Variants in TMEM114 observed in about 807,000 individuals in gnomAD.
TMEM114 encodes the protein claudin-26.
TMEM114 carries 6 observed loss-of-function variants against 6.2 expected under a neutral mutation model. That is an observed-to-expected ratio of 0.97 (90% CI 0.53 to 1.91). The LOEUF is 1.91. Among genes scored for constraint, TMEM114 ranks in the 40% most tolerant of loss-of-function variants. TMEM114 has a pLI of 0.01. For missense variants in TMEM114, 218 were observed against 158.3 expected, an observed-to-expected ratio of 1.38 and a Z score of -2.02; for synonymous variants, 104 against 73.0, an observed-to-expected ratio of 1.42 and a Z score of -2.16.
intron 2 of TMEM114, among the ~76,000 whole-genome samples, chr16:8,552,825 C>G (rs921816691): frequency 6.6e-6 from 1 of 152,142 alleles, no homozygotes; most frequent in Non-Finnish European, 1.5e-5. Context: ...GCACAAACCC[C>G]TCCCCTCCCC....
In TMEM114 at chr16:8,563,184, A is replaced by C. The variant is rs550999060; in HGVS notation, n.213-25358T>G. ...GAGTGAGTGAGTAAATGAGTGAGTG[A>C]ATGAGTGAATGAATGAGTGAATGAG... On this transcript the variant is annotated intron_variant and non_coding_transcript_variant, in intron 2 of 2. Transcript: ENST00000623677. Among the ~76,000 whole-genome samples the C allele has an allele frequency of 1.2e-3, 182 of 148,218 alleles. 5 individuals are homozygous for C. Among genetic ancestry groups the C allele is most frequent in the African/African-American group, 4.4e-3 (176 of 39,976 alleles).
chr16:8,558,474 C>T (rs1901088993), intron 2 of TMEM114, among the ~76,000 whole-genome samples: 1 of 152,166 alleles, frequency 6.6e-6, no homozygotes, highest in African/African-American at 2.4e-5. Flanking sequence ...AGACACCAGT[C>T]ATTGGTTTTA....
At chr16:8,539,587 C>G (rs1000795498) in intron 2 of TMEM114, among the ~76,000 whole-genome samples, 1 of 152,168 alleles carries the variant, frequency 6.6e-6, no homozygotes, top group Non-Finnish European at 1.5e-5. Context: ...AAGCTTCACT[C>G]TTCCAGATCC....
downstream of TMEM114, among the ~76,000 whole-genome samples, chr16:8,534,103 T>C (rs1164475671): frequency 6.6e-6 from 1 of 152,184 alleles, no homozygotes; most frequent in African/African-American, 2.4e-5. Context: ...GAGCAAGTCA[T>C]TCATCAGAAA....
chr16:8,569,311 AG>A (rs1713155250), downstream of TMEM114, among the ~76,000 whole-genome samples: 1 of 152,156 alleles, frequency 6.6e-6, no homozygotes, highest in Non-Finnish European at 1.5e-5. Context: ...GTCATGCCAG[AG>A]TTATTTTAGA....
At chr16:8,554,835 C>A (rs555008180) in intron 2 of TMEM114, among the ~76,000 whole-genome samples, 1 of 152,194 alleles carries the variant, frequency 6.6e-6, no homozygotes, top group Non-Finnish European at 1.5e-5. Context: ...GATGTTAGTG[C>A]TGTCTTAAGG....
intron 3 of TMEM114, among the ~76,000 whole-genome samples, chr16:8,571,187 G>A (rs911735772): frequency 9.0e-4 from 136 of 150,988 alleles, no homozygotes; most frequent in Non-Finnish European, 1.3e-3. Flanking sequence ...AGCCAGCCAC[G>A]TGCCAGGTCC....
intron 2 of TMEM114, among the ~76,000 whole-genome samples, chr16:8,553,169 T>G (rs1204863816): frequency 1.3e-5 from 2 of 152,194 alleles, no homozygotes; most frequent in Non-Finnish European, 2.9e-5. Context: ...ATTCCTCTGG[T>G]CTGAGAAACA....
intron 2 of TMEM114, among the ~76,000 whole-genome samples, chr16:8,574,601 C>CTTTCTTTCTTTCTTTA (rs1349268944): frequency 3.3e-5 from 5 of 150,032 alleles, no homozygotes; most frequent in Non-Finnish European, 7.4e-5. Flanking sequence ...TTCTTTCTTT[C>CTTTCTTTCTTTCTTTA]TTTCTTTTTC....
chr16:8,569,952 A>G lies in TMEM114; in HGVS notation c.493T>C (p.Phe165Leu), dbSNP rs932795690. Reference protein sequence around the residue: ...SVYIAYSAAAFREALCLLEEK... With the variant: ...SVYIAYSAAALREALCLLEEK... ...TCCAAGAGACACAGCGCCTCCCGGA[A>G]GGCGGCGGCTGAATACGCTATGTAG... Residue 165 changes from phenylalanine (F) to leucine (L), a missense_variant, in exon 4 of 4, where the codon TTC becomes CTC. Coordinates refer to ENST00000620492, the MANE Select transcript of TMEM114 (RefSeq NM_001146336.2). The G allele has an allele frequency of 8.5e-5, 132 of 1,550,922 alleles. No individual in the cohort carries two copies. Among genetic ancestry groups the G allele is most frequent in the Non-Finnish European group, 9.9e-5 (113 of 1,146,966 alleles).
intron 2 of TMEM114, among the ~76,000 whole-genome samples, chr16:8,588,247 A>G (rs1902375658): frequency 6.6e-6 from 1 of 150,390 alleles, no homozygotes; most frequent in Non-Finnish European, 1.5e-5. Flanking sequence ...AGATTATGCC[A>G]CTGTACTCCA....
At chr16:8,582,184 G>T (rs556612260) in intron 2 of TMEM114, among the ~76,000 whole-genome samples, 94 of 152,304 alleles carry the variant, frequency 6.2e-4, no homozygotes, top group African/African-American at 2.1e-3. Flanking sequence ...TCCACCGCGG[G>T]CATGCTGTGT....
At chr16:8,531,939 A>T in the TMEM114 span, 4 of 152,228 alleles carry the variant, frequency 2.6e-5, no homozygotes, top group African/African-American at 9.6e-5. Context: ...CCTCATGTAG[A>T]TGAGAAGTAA....
chr16:8,581,691 T>A (rs966497787), intron 2 of TMEM114, among the ~76,000 whole-genome samples: 35 of 152,266 alleles, frequency 2.3e-4, no homozygotes, highest in African/African-American at 8.4e-4. Context: ...TGACCTCAAG[T>A]GATCCGCCCA....
chr16:8,572,100 G>A lies in TMEM114; in HGVS notation c.426C>T (p.Leu142=). ...GTGGGCACCTACCTCCAAAGAGGAAGAGAATTCCAGTGAGCAGGAGGAGGA... is the reference window on the plus strand; with the variant it reads ...GTGGGCACCTACCTCCAAAGAGGAAAAGAATTCCAGTGAGCAGGAGGAGGA... ...AYLLLLLTGI[L]FLFGAMVTLA... Residue 142 remains leucine, a synonymous_variant, in exon 3 of 4, where the codon CTC becomes CTT. Transcript: ENST00000620492. 6.5e-7 allele frequency: 1 copy of A among 1,549,434 alleles called. No homozygotes were observed. The highest frequency in any genetic ancestry group is 8.7e-7 in the Non-Finnish European group (1 of 1,145,838).
chr16:8,556,090 T>C (rs76714027), intron 2 of TMEM114, among the ~76,000 whole-genome samples: 12,232 of 152,270 alleles, frequency 0.08, 578 homozygotes, highest in Middle Eastern at 0.18. Context: ...TCATATTTCA[T>C]CTGAGAACCC....
Position 8,590,461 on chromosome 16 carries a change from G to C in TMEM114, c.-623C>G. Among the ~76,000 whole-genome samples, 1 of 152,294 alleles carries C rather than the reference G, an allele frequency of 6.6e-6. No individual in the cohort carries two copies. Among genetic ancestry groups the C allele is most frequent in the South Asian group, 2.1e-4 (1 of 4,820 alleles). Reference sequence around the variant, plus strand: ...TTCCCGCAGCTCCTGCTCTGGCCGGGGCGCAGCTGACCCTCTGAGCCCTCC... The same window carrying C: ...TTCCCGCAGCTCCTGCTCTGGCCGGCGCGCAGCTGACCCTCTGAGCCCTCC... On this transcript the variant is annotated 5_prime_UTR_variant, in exon 1 of 4. Coordinates refer to ENST00000620492, the MANE Select transcript of TMEM114 (RefSeq NM_001146336.2).
chr16:8,554,768 C>A (rs1477765497), intron 2 of TMEM114, among the ~76,000 whole-genome samples: 1 of 152,220 alleles, frequency 6.6e-6, no homozygotes, highest in Non-Finnish European at 1.5e-5. Flanking sequence ...TCCTGTTCTA[C>A]GTACTTTGCC....
rs141197335 is a variant in TMEM114 at position 8,546,608 on chromosome 16, C to A, written n.213-8782G>T. ...CCAGTAACAATCAGTCCCAAATGCC[C>A]AGGGTTCAAATAATAACTAACAGCT... On this transcript the variant is annotated intron_variant and non_coding_transcript_variant, in intron 2 of 2. Coordinates refer to the TMEM114 transcript ENST00000623677. Among the ~76,000 whole-genome samples, 222 of 152,292 alleles carry A rather than the reference C, an allele frequency of 1.5e-3. 2 individuals carry two copies. The highest frequency in any genetic ancestry group is 6.2e-3 in the East Asian group (32 of 5,184).
Sources: gnomAD v4.1 joint callset for allele counts (sites outside exome capture counted in the v4.1 genomes callset) on GRCh38, gnomAD v4.1.1 for gene constraint, MANE v1.5 for transcripts, NCBI Gene and HGNC (gene_info 2026-07-23, HGNC 2026-07-21) for gene names.